Variants in PDE11A observed in about 807,000 individuals in gnomAD.
PDE11A encodes the protein dual 3',5'-cyclic-AMP and -GMP phosphodiesterase 11A.
PDE11A carries 100 observed loss-of-function variants against 100.5 expected under a neutral mutation model. That is an observed-to-expected ratio of 1.00 (90% CI 0.85 to 1.18). The LOEUF is 1.18. Ranked by LOEUF, PDE11A falls within the 50% of genes most tolerant of loss-of-function variation. The pLI is 0.00. For missense variants in PDE11A, 1,141 were observed against 1,152.6 expected (o/e 0.99, Z 0.15); for synonymous variants, 381 against 420.8 (o/e 0.91, Z 1.16).
intron 4 of PDE11A, among the ~76,000 whole-genome samples, chr2:177,885,940 C>T (rs376506777): frequency 9.9e-5 from 15 of 152,230 alleles, no homozygotes; most frequent in Middle Eastern, 3.4e-3. Flanking sequence ...GAAAGTACTT[C>T]GTAGAGTTCT....
In PDE11A at chr2:177,746,704, A is replaced by G. The variant is rs146786987; in HGVS notation, c.1789-18532T>C. On this transcript the variant is annotated intron_variant, in intron 10 of 19. Transcript: ENST00000286063. Reference sequence around the variant, plus strand: ...CTAGATTCCTATGCCCAGCAAAGACAGGCTTCACTTGTCAGTGTGAGAGAA... The same window carrying G: ...CTAGATTCCTATGCCCAGCAAAGACGGGCTTCACTTGTCAGTGTGAGAGAA... Among the ~76,000 whole-genome samples, 495 of 152,376 alleles carry G rather than the reference A, an allele frequency of 3.2e-3. 5 individuals are homozygous for G. The East Asian group carries it at 0.048, about 15-fold the overall frequency.
At chr2:177,884,540 G>A (rs2084396168) in intron 4 of PDE11A, among the ~76,000 whole-genome samples, 1 of 152,140 alleles carries the variant, frequency 6.6e-6, no homozygotes, top group African/African-American at 2.4e-5. Context: ...GGGGAGGTGG[G>A]GTAGAGGTGA....
chr2:177,750,987 T>A (rs368160371), intron 10 of PDE11A, among the ~76,000 whole-genome samples: 2 of 152,104 alleles, frequency 1.3e-5, no homozygotes, highest in African/African-American at 4.8e-5. Flanking sequence ...TGGGGTGACA[T>A]CCAGGTATTG....
intron 1 of PDE11A, among the ~76,000 whole-genome samples, chr2:178,025,905 A>T (rs2086472615): frequency 1.3e-5 from 2 of 152,232 alleles, no homozygotes; most frequent in South Asian, 4.1e-4. Context: ...AGGTAAAACC[A>T]GGAAGGCCAG....
chr2:177,966,974 T>C (rs551801231), intron 2 of PDE11A, among the ~76,000 whole-genome samples: 1 of 152,234 alleles, frequency 6.6e-6, no homozygotes, highest in South Asian at 2.1e-4. Context: ...TATGAATCCA[T>C]CTAATTCAAG....
intron 2 of PDE11A, among the ~76,000 whole-genome samples, chr2:178,099,941 A>T (rs1003573253): frequency 6.6e-6 from 1 of 152,216 alleles, no homozygotes; most frequent in East Asian, 1.9e-4. Context: ...AAAAGATAGA[A>T]ATTTCAACAC....
intron 2 of PDE11A, among the ~76,000 whole-genome samples, chr2:177,937,635 G>C (rs2085292221): frequency 6.6e-6 from 1 of 152,140 alleles, no homozygotes. Context: ...AAGAAGATAT[G>C]ACTCTTTTCT....
At chr2:177,930,791 G>T (rs1435242014) in intron 2 of PDE11A, among the ~76,000 whole-genome samples, 1 of 152,166 alleles carries the variant, frequency 6.6e-6, no homozygotes, top group Non-Finnish European at 1.5e-5. Context: ...AAATGCAAAT[G>T]CTCATCCTGA....
chr2:177,768,563 G>A (rs779387690), intron 10 of PDE11A, among the ~76,000 whole-genome samples: 2 of 152,078 alleles, frequency 1.3e-5, no homozygotes, highest in East Asian at 1.9e-4. Context: ...CTTTACTCCC[G>A]TGTTTTGCTC....
intron 5 of PDE11A, among the ~76,000 whole-genome samples, chr2:177,848,316 A>C (rs2083637902): frequency 6.6e-6 from 1 of 152,232 alleles, no homozygotes; most frequent in East Asian, 1.9e-4. Flanking sequence ...GAGAAAAGTA[A>C]AAGAAACATA....
intron 9 of PDE11A, among the ~76,000 whole-genome samples, chr2:177,772,103 C>T (rs2105505779): frequency 6.6e-6 from 1 of 152,240 alleles, no homozygotes; most frequent in East Asian, 1.9e-4. Flanking sequence ...GTAATACTTT[C>T]TCTTCCATTG....
intron 9 of PDE11A, among the ~76,000 whole-genome samples, chr2:177,785,841 C>T (rs934694765): frequency 7.2e-5 from 11 of 152,100 alleles, no homozygotes; most frequent in Non-Finnish European, 1.5e-4. Context: ...GGGAGGGGCG[C>T]CCACCATTGC....
chr2:177,985,102 T>C (rs1369837470), intron 2 of PDE11A, among the ~76,000 whole-genome samples: 1 of 152,232 alleles, frequency 6.6e-6, no homozygotes, highest in East Asian at 1.9e-4. Context: ...ATAAATCAAT[T>C]GGCATTTGAT....
At chr2:177,817,766 T>C in intron 8 of PDE11A, 92 bp downstream of exon 8, 2 of 710,116 alleles carry the variant, frequency 2.8e-6, no homozygotes. Flanking sequence ...ATAATAATAA[T>C]TGACTAATAA....
chr2:177,893,746 G>C (rs1030988604), intron 4 of PDE11A, among the ~76,000 whole-genome samples: 5 of 152,128 alleles, frequency 3.3e-5, no homozygotes, highest in Non-Finnish European at 7.3e-5. Flanking sequence ...GACTGTCTAA[G>C]AAGCATCCTG....
intron 2 of PDE11A, among the ~76,000 whole-genome samples, chr2:177,918,074 A>G (rs780301007): frequency 1.3e-5 from 2 of 152,236 alleles, no homozygotes; most frequent in Non-Finnish European, 2.9e-5. Flanking sequence ...GATAGCCTTG[A>G]AGACAAAAAG....
chr2:177,811,654 C>A (rs960874376), intron 9 of PDE11A, among the ~76,000 whole-genome samples: 11 of 151,916 alleles, frequency 7.2e-5, no homozygotes, highest in Admixed American at 3.3e-4. Flanking sequence ...GACTGCCTTG[C>A]ATGGTAAGTC....
At chr2:177,939,946 C>T (rs556452501) in intron 2 of PDE11A, among the ~76,000 whole-genome samples, 1 of 152,276 alleles carries the variant, frequency 6.6e-6, no homozygotes, top group Non-Finnish European at 1.5e-5. Flanking sequence ...TTTTATGAAG[C>T]AATTAAATTA....
intron 9 of PDE11A, among the ~76,000 whole-genome samples, chr2:177,813,274 T>C (rs2105573598): frequency 6.6e-6 from 1 of 152,354 alleles, no homozygotes; most frequent in East Asian, 1.9e-4. Context: ...AACTCTGTAC[T>C]CTTTATTTTC....
Sources: gnomAD v4.1 joint callset for allele counts (sites outside exome capture counted in the v4.1 genomes callset) on GRCh38, gnomAD v4.1.1 for gene constraint, MANE v1.5 for transcripts, NCBI Gene and HGNC (gene_info 2026-07-23, HGNC 2026-07-21) for gene names.